EP400: variants seen among roughly 807,000 people sequenced by gnomAD.
EP400 encodes E1A-binding protein p400.
A neutral mutation model predicts 354.1 loss-of-function variants in EP400; 105 were observed. That is an observed-to-expected ratio of 0.30 (90% CI 0.25 to 0.35). EP400 has a LOEUF of 0.35. Ranked by LOEUF, EP400 falls within the 10% of genes least tolerant of loss-of-function variation. The pLI, the probability that EP400 is intolerant of heterozygous loss-of-function variation, is 1.00. For missense variants in EP400, 3,280 were observed against 4,121.0 expected (o/e 0.80, Z 5.59); for synonymous variants, 1,646 against 1,716.9 (o/e 0.96, Z 1.02).
chr12:132,045,821 C>G lies in EP400; in HGVS notation c.7121C>G (p.Ser2374Cys), dbSNP rs199879553. The part of the protein sequence containing the change: ...NWDLVSDVVN[S>C]CSRIYRSSKQ... ...GATCTTGTCAGTGACGTTGTTAACTCCTGTAGCCGAATCTACCGCTCTTCC... is the reference window on the plus strand; with the variant it reads ...GATCTTGTCAGTGACGTTGTTAACTGCTGTAGCCGAATCTACCGCTCTTCC... Residue 2374 changes from serine to cysteine, a missense_variant, in exon 39 of 53, where the codon TCC becomes TGC. This residue lies in a region of EP400 where 84 missense variants were observed against 133.0 expected (regional missense o/e 0.63). Transcript: ENST00000389561. 3 of 1,614,218 alleles carry G rather than the reference C, an allele frequency of 1.9e-6. No homozygotes were observed. In the East Asian group the frequency reaches 6.7e-5, roughly 36 times the overall value.
chr12:131,958,670 C>T (rs1309762335), intron 1 of EP400, among the ~76,000 whole-genome samples: 1 of 152,106 alleles, frequency 6.6e-6, no homozygotes, highest in Non-Finnish European at 1.5e-5. Flanking sequence ...GCTACATTGC[C>T]ACCATGGCTG....
intron 6 of EP400, among the ~76,000 whole-genome samples, chr12:131,987,114 G>A (rs1299052096): frequency 6.6e-6 from 1 of 152,198 alleles, no homozygotes; most frequent in Non-Finnish European, 1.5e-5. Flanking sequence ...CTGGGGCCCT[G>A]CAGGCTGTGA....
At chr12:131,979,610 GT>G (rs980055132) in intron 2 of EP400, 83 bp from the exon 3 acceptor site, 27 of 1,261,350 alleles carry the variant, frequency 2.1e-5, no homozygotes, top group Non-Finnish European at 2.9e-5. Context: ...GGAGGTCGAT[GT>G]TTGGGATAAT....
rs765573023 is a variant in EP400, at chr12:132,064,849, C to T, written c.8516C>T (p.Thr2839Met). 11 of 1,611,252 alleles carry T rather than the reference C, an allele frequency of 6.8e-6. No individual in the cohort carries two copies. The highest frequency in any genetic ancestry group is 9.3e-6 in the Non-Finnish European group (11 of 1,179,262). The change falls in exon 48 of 53, where the codon ACG becomes ATG. Residue 2839 changes from threonine (T) to methionine (M), a missense_variant. Coordinates refer to ENST00000389561, the MANE Select transcript of EP400 (RefSeq NM_015409.5). The stretch of plus-strand genomic sequence containing the variant: ...GCCCCAAGGCCTGGTGCCCTGCTGA[C>T]GGGCACCACCGTGGCCAACCTCCAG... ...VTAPRPGALL[T>M]GTTVANLQVA...
At chr12:132,042,687 G>C (rs2136574382) in intron 32 of EP400, among the ~76,000 whole-genome samples, 1 of 152,322 alleles carries the variant, frequency 6.6e-6, no homozygotes, top group East Asian at 1.9e-4. Flanking sequence ...CTCCATGTCA[G>C]ATGTCTTTTG....
rs1893004935 is a variant in EP400 at position 131,990,709 on chromosome 12, G to T, written c.2624G>T (p.Arg875Met). The change falls in exon 9 of 53, where the codon AGG (arginine) becomes ATG (methionine). Residue 875 changes from arginine to methionine, a missense_variant. Physicochemically the swap from Arg to Met is moderately conservative, Grantham distance 91. Transcript: ENST00000389561. This position sits in a 1 kb window ranked among gnomAD's most constrained non-coding sequence, Gnocchi z 4.2. ...KKALNLQKVSRRGKELRPKGF... is the reference protein window; with the variant it reads ...KKALNLQKVSMRGKELRPKGF... ...GCCTTAAATTTACAGAAAGTTTCCA[G>T]GAGAGGTAGGACCCTTTAAAAAAAG... The T allele has an allele frequency of 6.2e-7, 1 of 1,610,286 alleles. No individual in the cohort carries two copies. Among genetic ancestry groups the T allele is most frequent in the African/African-American group, 1.3e-5 (1 of 74,666 alleles).
Position 131,990,770 on chromosome 12 carries a change from T to G in EP400, c.2629+56T>G. On this transcript the variant is annotated intron_variant, in intron 9 of 52. Coordinates refer to ENST00000389561, the MANE Select transcript of EP400 (RefSeq NM_015409.5). This position sits in a 1 kb window ranked among gnomAD's most constrained non-coding sequence, Gnocchi z 4.2. Reference sequence around the variant, plus strand: ...CTTGGGTGGTATTTTGTTCGGATTCTTTTCTCAGCAGGCAGTCTCCTGGCG... The same window carrying G: ...CTTGGGTGGTATTTTGTTCGGATTCGTTTCTCAGCAGGCAGTCTCCTGGCG... 1 of 1,352,344 alleles carries G rather than the reference T, an allele frequency of 7.4e-7. No individual in the cohort carries two copies. Among genetic ancestry groups the G allele is most frequent in the Non-Finnish European group, 1.0e-6 (1 of 960,546 alleles). 83.8% of individuals were successfully genotyped at this position (1,352,344 alleles called of 1,614,324 possible).
In EP400 at chr12:132,077,394, G is replaced by A; in HGVS notation, c.9100-7G>A. The A allele has an allele frequency of 1.9e-6, 3 of 1,605,002 alleles. No individual in the cohort carries two copies. The highest frequency in any genetic ancestry group is 2.6e-6 in the Non-Finnish European group (3 of 1,174,644). ...GCAATGTGTGTTTTCTGACTCTCTC[G>A]GCTCAGGCTTCTCCACAGACTGTGG... On this transcript the variant is annotated splice_polypyrimidine_tract_variant and splice_region_variant and intron_variant, in intron 52 of 52. Transcript: ENST00000389561.
rs1894414014 is a variant in EP400 at position 132,029,458 on chromosome 12, C to T, written c.5382-243C>T. ...GCCTAGGGAATCCACCCCCATTGAT[C>T]CATCAGCCCTGGACTGTCTGAATTA... On this transcript the variant is annotated intron_variant, in intron 27 of 52. Transcript: ENST00000389561. The surrounding 1 kb of genome is among the most constrained non-coding windows in gnomAD (Gnocchi z 4.7). 1 of 552,234 alleles carries T rather than the reference C, an allele frequency of 1.8e-6. No homozygotes were observed. The highest frequency in any genetic ancestry group is 1.9e-5 in the African/African-American group (1 of 53,236). 34.2% of individuals were successfully genotyped at this position (552,234 alleles called of 1,614,324 possible).
rs1416887260 is a variant in EP400, at chr12:132,080,425, CAAACA to C, written c.*2756_*2760del. 6.6e-5 allele frequency: 10 copies of C among 152,592 alleles called. No homozygotes were observed. The highest frequency in any genetic ancestry group is 1.2e-4 in the Non-Finnish European group (8 of 68,034). The allele number at this position is 152,592 out of a possible 1,614,324, so 9.5% of individuals were successfully genotyped here. On this transcript the variant is annotated 3_prime_UTR_variant, in exon 53 of 53. Transcript: ENST00000389561. ...ATTTTAAAGGGCATTGATAGCATAC[CAAACA>C]AAAGGCAAAATAAAGTGACCTTTTT... is the stretch of plus-strand genomic sequence containing the variant.
intron 30 of EP400, 94 bp from the exon 31 acceptor site, chr12:132,037,587 CG>C: frequency 1.1e-6 from 1 of 941,810 alleles, no homozygotes; most frequent in Non-Finnish European, 1.7e-6. Context: ...GGAGGAGGGA[CG>C]TGGATTCGTT....
chr12:132,010,842 T>C (rs1893740313), intron 15 of EP400, among the ~76,000 whole-genome samples: 2 of 152,108 alleles, frequency 1.3e-5, no homozygotes, highest in Non-Finnish European at 2.9e-5. Flanking sequence ...CACAGGAGGC[T>C]GAGGCAGGAG....
In EP400 at chr12:132,029,927, C is replaced by T. The variant is rs755474654; in HGVS notation, c.5584+24C>T. The T allele has an allele frequency of 6.2e-7, 1 of 1,610,562 alleles. No individual in the cohort carries two copies. The highest frequency in any genetic ancestry group is 1.1e-5 in the South Asian group (1 of 91,016). On this transcript the variant is annotated intron_variant, in intron 28 of 52. Transcript: ENST00000389561. This position sits in a 1 kb window ranked among gnomAD's most constrained non-coding sequence, Gnocchi z 4.7. ...AGGTATGCGGCAGTTGGGGGCGTGG[C>T]CCGTGCGGGAGCTGCACCGGCCCTG... is the stretch of plus-strand genomic sequence containing the variant.
At chr12:131,952,562 C>T (rs375288478) in intron 1 of EP400, among the ~76,000 whole-genome samples, 9 of 152,210 alleles carry the variant, frequency 5.9e-5, no homozygotes, top group East Asian at 3.9e-4. Context: ...TTCTTGAGCT[C>T]AAGTGATCTC....
chr12:131,960,547 G>T, intron 1 of EP400, 38 bp from the exon 2 acceptor site: 1 of 1,493,470 alleles, frequency 6.7e-7, no homozygotes, highest in Non-Finnish European at 9.0e-7. Context: ...ACAGTTATGT[G>T]TGCCTTCAAG....
At position 132,045,342 on chromosome 12, in the gene EP400, C is replaced by T. The variant is rs749770445; in HGVS notation, c.6808C>T (p.Arg2270Cys). The change falls in exon 38 of 53, where the codon CGT becomes TGT. Residue 2270 changes from arginine to cysteine, a missense_variant. Around this residue, in one of 20 missense-constraint regions of EP400, gnomAD observed 231 missense variants for 257.9 expected, o/e 0.90. Transcript: ENST00000389561. ...PSAAGRKKKQ[R>C]HGEAVVPPRS... ...AGCTGCAGGCAGGAAGAAGAAGCAG[C>T]GTCACGGGGAGGCGGTCGTCCCTCC... 88 of 1,614,090 alleles carry T rather than the reference C, an allele frequency of 5.5e-5. No homozygotes were observed. Among genetic ancestry groups the T allele is most frequent in the Non-Finnish European group, 7.1e-5 (84 of 1,180,042 alleles).
chr12:131,986,370 C>G (rs1409391339), intron 5 of EP400, 144 bp from the exon 6 acceptor site: 2 of 737,132 alleles, frequency 2.7e-6, no homozygotes, highest in Admixed American at 2.7e-5. Context: ...GCTGTGGATA[C>G]GATGTGATTT....
intron 19 of EP400, among the ~76,000 whole-genome samples, chr12:132,016,424 A>C (rs1401751365): frequency 2.6e-5 from 4 of 151,854 alleles, no homozygotes; most frequent in Non-Finnish European, 4.4e-5. Context: ...GCTGGAGTGC[A>C]GTGGCACGAT....
chr12:132,023,299 ATTTTTTTTTT>A (rs767816284), intron 23 of EP400, among the ~76,000 whole-genome samples: 11 of 71,078 alleles, frequency 1.5e-4, no homozygotes, highest in African/African-American at 5.8e-4. Flanking sequence ...TGCCCAGCTA[ATTTTTTTTTT>A]TTTTTTTTTT....
Sources: gnomAD v4.1 joint callset for allele counts (sites outside exome capture counted in the v4.1 genomes callset) on GRCh38, gnomAD v4.1.1 for gene constraint, gnomAD v4.1.1 regional missense constraint, Gnocchi (gnomAD v3.1) non-coding constraint, MANE v1.5 for transcripts, NCBI Gene and HGNC (gene_info 2026-07-23, HGNC 2026-07-21) for gene names.